Variants in PRDM5 observed in about 807,000 individuals in gnomAD.
The protein encoded by PRDM5 is PR/SET domain 5.
PRDM5 carries 56 observed loss-of-function variants against 81.2 expected under a neutral mutation model. The observed-to-expected ratio is 0.69, with a 90% CI of 0.56 to 0.86. PRDM5 has a LOEUF of 0.86. Ranked by LOEUF, PRDM5 falls within the 40% of genes least tolerant of loss-of-function variation. The probability of loss-of-function intolerance (pLI) is 0.00; values close to 1 mark genes in which losing one functional copy is unlikely to be tolerated. For missense variants in PRDM5, 697 were observed against 770.1 expected, an observed-to-expected ratio of 0.91 and a Z score of 1.12; for synonymous variants, 267 against 256.4, an observed-to-expected ratio of 1.04 and a Z score of -0.39.
At chr4:120,695,577 A>G (rs1297912773) in intron 15 of PRDM5, among the ~76,000 whole-genome samples, 1 of 152,152 alleles carries the variant, frequency 6.6e-6, no homozygotes, top group Non-Finnish European at 1.5e-5. Flanking sequence ...TAAATGGCAT[A>G]AGACATTTCT....
chr4:120,884,026 T>A (rs1763136569), intron 2 of PRDM5, among the ~76,000 whole-genome samples: 1 of 152,074 alleles, frequency 6.6e-6, no homozygotes, highest in East Asian at 1.9e-4. Flanking sequence ...CTATGAAAAA[T>A]TCACAAATGC....
intron 10 of PRDM5, among the ~76,000 whole-genome samples, chr4:120,789,372 T>G (rs1750244570): frequency 6.6e-6 from 1 of 152,148 alleles, no homozygotes; most frequent in Non-Finnish European, 1.5e-5. Flanking sequence ...AAAATGAAAT[T>G]AAGGACCATT....
intron 14 of PRDM5, among the ~76,000 whole-genome samples, chr4:120,732,688 T>A (rs116171477): frequency 6.6e-6 from 1 of 152,210 alleles, no homozygotes; most frequent in African/African-American, 2.4e-5. Flanking sequence ...ATAATACTCC[T>A]GCTCTCTAAC....
chr4:120,820,137 A>G (rs1755069965), intron 4 of PRDM5, among the ~76,000 whole-genome samples: 1 of 152,254 alleles, frequency 6.6e-6, no homozygotes, highest in Non-Finnish European at 1.5e-5. Context: ...AATTGTATTA[A>G]GAGGTGGGCC....
intron 13 of PRDM5, among the ~76,000 whole-genome samples, chr4:120,766,175 G>A (rs754852593): frequency 6.6e-6 from 1 of 152,060 alleles, no homozygotes; most frequent in African/African-American, 2.4e-5. Context: ...GGCCAGACTG[G>A]TTTCGAACAC....
At chr4:120,825,766 G>T (rs2149357720) in intron 3 of PRDM5, among the ~76,000 whole-genome samples, 1 of 152,122 alleles carries the variant, frequency 6.6e-6, no homozygotes, top group South Asian at 2.1e-4. Context: ...TAAATGCTCT[G>T]CCCTGGATCT....
rs572305840 is a variant in PRDM5, at chr4:120,784,485, C to T, written c.1282+513G>A. Among the ~76,000 whole-genome samples the T allele has an allele frequency of 9.5e-4, 145 of 152,180 alleles. 1 individual carries two copies. The highest frequency in any genetic ancestry group is 1.2e-3 in the Non-Finnish European group (79 of 67,976). On this transcript the variant is annotated intron_variant, in intron 11 of 15. Transcript: ENST00000264808. ...TCAGGGACCTGTTTGCTACTCCTTG[C>T]GCTGTGAAATCTTGAGTATGTCATG...
intron 2 of PRDM5, among the ~76,000 whole-genome samples, chr4:120,858,417 A>T (rs1302506945): frequency 6.6e-6 from 1 of 152,198 alleles, no homozygotes; most frequent in East Asian, 1.9e-4. Flanking sequence ...TTTAAACCAA[A>T]GGGAGACACA....
chr4:120,872,772 A>G (rs1165310223), intron 2 of PRDM5, among the ~76,000 whole-genome samples: 1 of 151,962 alleles, frequency 6.6e-6, no homozygotes, highest in Non-Finnish European at 1.5e-5. Context: ...TAAATAACTA[A>G]AGTAGTCAAA....
chr4:120,706,751 A>G (rs1277560777), intron 15 of PRDM5, among the ~76,000 whole-genome samples: 5 of 101,910 alleles, frequency 4.9e-5, no homozygotes, highest in African/African-American at 1.7e-4. Context: ...TGTCCATTAT[A>G]TAAATTTTAT....
At chr4:120,872,741 G>A (rs1351503646) in intron 2 of PRDM5, among the ~76,000 whole-genome samples, 2 of 152,070 alleles carry the variant, frequency 1.3e-5, no homozygotes, top group East Asian at 3.9e-4. Context: ...GTGACACAGT[G>A]AGACCCTGTC....
rs1442474045 is a variant in PRDM5 at position 120,818,401 on chromosome 4, C to G, written c.602G>C (p.Cys201Ser). 1 of 1,614,076 alleles carries G rather than the reference C, an allele frequency of 6.2e-7. No individual in the cohort carries two copies. The highest frequency in any genetic ancestry group is 1.7e-5 in the Admixed American group (1 of 59,992). Residue 201 changes from cysteine to serine, a missense_variant, in exon 5 of 16, where the codon TGC becomes TCC. Physicochemically the swap from Cys to Ser is moderately radical, Grantham distance 112. Transcript: ENST00000264808. ...TGGGAATTTCTTCCCACAGTTCTTGCACTTAAATTCTTTCTCCTCTGTGGG... is the reference window on the plus strand; with the variant it reads ...TGGGAATTTCTTCCCACAGTTCTTGGACTTAAATTCTTTCTCCTCTGTGGG... Reference protein sequence around the residue: ...QKPTEEKEFKCKNCGKKFPVK... With the variant: ...QKPTEEKEFKSKNCGKKFPVK...
At chr4:120,773,784 C>A (rs1747646296) in intron 13 of PRDM5, among the ~76,000 whole-genome samples, 1 of 152,090 alleles carries the variant, frequency 6.6e-6, no homozygotes, top group Non-Finnish European at 1.5e-5. Flanking sequence ...ATCTGTGAGG[C>A]CAGATTTTCT....
At chr4:120,827,686 G>A (rs1756180071) in intron 3 of PRDM5, among the ~76,000 whole-genome samples, 1 of 151,924 alleles carries the variant, frequency 6.6e-6, no homozygotes, top group Non-Finnish European at 1.5e-5. Context: ...ACACTGGGTG[G>A]GAAGTTCCAT....
At chr4:120,847,694 C>T (rs1200556602) in intron 3 of PRDM5, among the ~76,000 whole-genome samples, 1 of 152,150 alleles carries the variant, frequency 6.6e-6, no homozygotes, top group Admixed American at 6.6e-5. Context: ...CGATGGATAA[C>T]TACTACAATC....
In PRDM5 at chr4:120,786,483, G is replaced by A. The variant is rs148306646; in HGVS notation, c.1189-1392C>T. 3.0e-3 allele frequency among the ~76,000 whole-genome samples: 463 copies of A among 152,250 alleles called. 1 individual carries two copies. The highest frequency in any genetic ancestry group is 0.011 in the African/African-American group (445 of 41,554). ...GAAATATGGCATTTAAAATTGGTGGGAAAAGAGTAGAAAGTTTAGTAAATG... is the reference window on the plus strand; with the variant it reads ...GAAATATGGCATTTAAAATTGGTGGAAAAAGAGTAGAAAGTTTAGTAAATG... On this transcript the variant is annotated intron_variant, in intron 10 of 15. Coordinates refer to ENST00000264808, the MANE Select transcript of PRDM5 (RefSeq NM_018699.4).
At chr4:120,754,436 A>G in intron 14 of PRDM5, 117 bp downstream of exon 14, 1 of 645,622 alleles carries the variant, frequency 1.5e-6, no homozygotes, top group South Asian at 2.2e-5. Flanking sequence ...TGTCATAAAT[A>G]TAGATATACA....
At chr4:120,877,504 T>A (rs1762428873) in intron 2 of PRDM5, among the ~76,000 whole-genome samples, 1 of 152,180 alleles carries the variant, frequency 6.6e-6, no homozygotes, top group African/African-American at 2.4e-5. Flanking sequence ...AGAAGAATAA[T>A]TTATATTAAA....
rs201880857 is a variant in PRDM5 at position 120,857,447 on chromosome 4, G to A, written c.178-3907C>T. Among the ~76,000 whole-genome samples, 16 of 152,348 alleles carry A rather than the reference G, an allele frequency of 1.1e-4. No individual in the cohort carries two copies. The East Asian group carries it at 3.1e-3, about 29-fold the overall frequency. On this transcript the variant is annotated intron_variant, in intron 2 of 15. Coordinates refer to ENST00000264808, the MANE Select transcript of PRDM5 (RefSeq NM_018699.4). ...TGCTTCAATATAATTGTTCATGTCTGTATGACTTTGCTGCTTCACATTTAA... is the reference window on the plus strand; with the variant it reads ...TGCTTCAATATAATTGTTCATGTCTATATGACTTTGCTGCTTCACATTTAA...
Sources: allele counts gnomAD v4.1 joint callset (sites outside exome capture counted in the v4.1 genomes callset), GRCh38; gene constraint gnomAD v4.1.1; transcripts MANE v1.5; gene names NCBI Gene and HGNC (gene_info 2026-07-23, HGNC 2026-07-21).